IGSF21: variants seen among roughly 807,000 people sequenced by gnomAD.
IGSF21 encodes immunoglobin superfamily member 21.
A neutral mutation model predicts 46.8 loss-of-function variants in IGSF21; 28 were observed. The ratio of observed to expected loss-of-function variants is 0.60; its 90% CI spans 0.44 to 0.82. The LOEUF is 0.82. Among genes scored for constraint, IGSF21 ranks in the 40% least tolerant of loss-of-function variants. The pLI is 0.00. For missense variants in IGSF21, 624 were observed against 665.5 expected (o/e 0.94, Z 0.69); for synonymous variants, 284 against 273.6 (o/e 1.04, Z -0.38).
chr1:18,325,696 T>G (rs977493145), intron 3 of IGSF21, among the ~76,000 whole-genome samples: 1 of 152,126 alleles, frequency 6.6e-6, no homozygotes, highest in Non-Finnish European at 1.5e-5. Flanking sequence ...CCCTGGGGTC[T>G]CCTGTAAGGG....
chr1:18,357,215 G>T (rs1168853963), intron 4 of IGSF21, among the ~76,000 whole-genome samples: 2 of 150,594 alleles, frequency 1.3e-5, no homozygotes, highest in East Asian at 3.9e-4. Flanking sequence ...GTTGGGGATG[G>T]GGGTAGATAT....
chr1:18,154,083 C>T (rs1008880864), intron 1 of IGSF21, among the ~76,000 whole-genome samples: 6 of 152,198 alleles, frequency 3.9e-5, no homozygotes, highest in Admixed American at 1.3e-4. Context: ...ACGGTGAGCC[C>T]ACTGTCTGTG....
chr1:18,367,378 G>T (rs2086176871), intron 6 of IGSF21, among the ~76,000 whole-genome samples: 1 of 142,922 alleles, frequency 7.0e-6, no homozygotes, highest in Non-Finnish European at 1.6e-5. Flanking sequence ...GTCTCATTTT[G>T]CATATGAGCA....
chr1:18,360,858 G>A (rs2086092636), intron 4 of IGSF21, among the ~76,000 whole-genome samples: 1 of 152,132 alleles, frequency 6.6e-6, no homozygotes, highest in Non-Finnish European at 1.5e-5. Context: ...GCAAATTGGG[G>A]GACTGAGGCT....
At chr1:18,270,640 C>T (rs2085033454) in intron 2 of IGSF21, among the ~76,000 whole-genome samples, 1 of 152,194 alleles carries the variant, frequency 6.6e-6, no homozygotes, top group African/African-American at 2.4e-5. Flanking sequence ...AGATTTCTGA[C>T]CAAGGCCATG....
At chr1:18,172,902 C>G (rs11260944) in intron 1 of IGSF21, among the ~76,000 whole-genome samples, 14,845 of 151,676 alleles carry the variant, frequency 0.098, 1,199 homozygotes, top group African/African-American at 0.21. Flanking sequence ...AGTCAAGCAT[C>G]CCCTCTGGTG....
chr1:18,239,905 CAT>C (rs1050681053), intron 2 of IGSF21, among the ~76,000 whole-genome samples: 7 of 152,186 alleles, frequency 4.6e-5, no homozygotes, highest in African/African-American at 9.7e-5. Flanking sequence ...ACACTGGACT[CAT>C]GTGTTCATTT....
intron 1 of IGSF21, among the ~76,000 whole-genome samples, chr1:18,227,288 T>A (rs2124506134): frequency 6.6e-6 from 1 of 152,128 alleles, no homozygotes; most frequent in South Asian, 2.1e-4. Context: ...CCAGGAGTCA[T>A]TTGTTTATGA....
chr1:18,155,298 C>T (rs2086558726), intron 1 of IGSF21, among the ~76,000 whole-genome samples: 1 of 152,176 alleles, frequency 6.6e-6, no homozygotes, highest in Non-Finnish European at 1.5e-5. Context: ...TGGAAGCTGT[C>T]CCATGAGTCC....
chr1:18,117,798 T>C (rs916494006), intron 1 of IGSF21, among the ~76,000 whole-genome samples: 1 of 152,220 alleles, frequency 6.6e-6, no homozygotes, highest in African/African-American at 2.4e-5. Context: ...TTACAGAGCA[T>C]CTGAGCCAGA....
rs371656735 is a variant in IGSF21 at position 18,359,399 on chromosome 1, G to A, written c.425-2716G>A. 8.6e-3 allele frequency among the ~76,000 whole-genome samples: 911 copies of A among 106,334 alleles called. 8 individuals carry two copies. The highest frequency in any genetic ancestry group is 0.032 in the East Asian group (100 of 3,098). The allele number at this position is 106,334 out of a possible 152,430, so 69.8% of individuals were successfully genotyped here. On this transcript the variant is annotated intron_variant, in intron 4 of 9. Transcript: ENST00000251296. Reference sequence around the variant, plus strand: ...GAAAGAAAGAAAGGAAGGAAGGAAGGAAGGAAGGAAGGAAGGAAGGAAGGA... The same window carrying A: ...GAAAGAAAGAAAGGAAGGAAGGAAGAAAGGAAGGAAGGAAGGAAGGAAGGA...
intron 1 of IGSF21, among the ~76,000 whole-genome samples, chr1:18,144,628 C>T (rs531390077): frequency 2.0e-5 from 3 of 152,100 alleles, no homozygotes; most frequent in Admixed American, 6.5e-5. Flanking sequence ...ACCAGAGAAG[C>T]CTCCAGTAAA....
At chr1:18,250,868 A>G (rs2084835229) in intron 2 of IGSF21, among the ~76,000 whole-genome samples, 2 of 152,212 alleles carry the variant, frequency 1.3e-5, no homozygotes, top group Non-Finnish European at 2.9e-5. Flanking sequence ...CCATTAATTA[A>G]TTAATTAGCA....
At chr1:18,369,419 G>T (rs1373418383) in intron 6 of IGSF21, among the ~76,000 whole-genome samples, 2 of 152,214 alleles carry the variant, frequency 1.3e-5, no homozygotes, top group African/African-American at 2.4e-5. Flanking sequence ...TCTGAGAGGT[G>T]AGGGACTCAG....
At chr1:18,186,395 C>T (rs1396447475) in intron 1 of IGSF21, among the ~76,000 whole-genome samples, 4 of 152,172 alleles carry the variant, frequency 2.6e-5, no homozygotes, top group Non-Finnish European at 5.9e-5. Flanking sequence ...TGTCTCAAAG[C>T]CGGGCACCTG....
At chr1:18,207,442 G>A (rs889099663) in intron 1 of IGSF21, among the ~76,000 whole-genome samples, 1 of 152,162 alleles carries the variant, frequency 6.6e-6, no homozygotes, top group East Asian at 1.9e-4. Context: ...CCCACCTCAT[G>A]TGAGGCATGG....
chr1:18,190,220 C>T (rs2086942030), intron 1 of IGSF21, among the ~76,000 whole-genome samples: 1 of 152,238 alleles, frequency 6.6e-6, no homozygotes, highest in Non-Finnish European at 1.5e-5. Flanking sequence ...AGCTTCAGAG[C>T]TCCCAGTGGA....
intron 2 of IGSF21, among the ~76,000 whole-genome samples, chr1:18,264,241 G>A (rs567362261): frequency 9.2e-5 from 14 of 152,134 alleles, no homozygotes; most frequent in Non-Finnish European, 2.1e-4. Context: ...CAAGAATCCC[G>A]TTAAGACCGG....
At chr1:18,154,243 C>T (rs1306140883) in intron 1 of IGSF21, among the ~76,000 whole-genome samples, 2 of 152,196 alleles carry the variant, frequency 1.3e-5, no homozygotes, top group East Asian at 1.9e-4. Context: ...TGCCTGGGCT[C>T]TCCTTACAGG....
Sources: gnomAD v4.1 joint callset for allele counts (sites outside exome capture counted in the v4.1 genomes callset) on GRCh38, gnomAD v4.1.1 for gene constraint, MANE v1.5 for transcripts, NCBI Gene and HGNC (gene_info 2026-07-23, HGNC 2026-07-21) for gene names.